Variants in MYO15A observed in about 807,000 individuals in gnomAD.
MYO15A encodes myosin XVA.
In MYO15A, 308 loss-of-function variants were observed where a neutral mutation model predicts 394.6. That is an observed-to-expected ratio of 0.78 (90% CI 0.71 to 0.86). The LOEUF is 0.86. Among genes scored for constraint, MYO15A ranks in the 40% least tolerant of loss-of-function variants. The pLI is 0.00. For missense variants in MYO15A, 4,606 were observed against 4,799.1 expected (o/e 0.96, Z 1.19); for synonymous variants, 1,957 against 2,003.8 (o/e 0.98, Z 0.62).
At chr17:18,109,735 A>G (rs903998816) in intron 1 of MYO15A, 3 of 152,068 alleles carry the variant, frequency 2.0e-5, no homozygotes, top group African/African-American at 4.8e-5. Context: ...AGTTGCATTC[A>G]TCTCCCAGCT....
intron 7 of MYO15A, 152 bp downstream of exon 7, chr17:18,127,317 C>A: frequency 1.1e-6 from 1 of 900,572 alleles, no homozygotes; most frequent in Non-Finnish European, 1.7e-6. Context: ...GCTTTTTCTG[C>A]CACCCTTCCC....
chr17:18,173,762 C>T lies in MYO15A; in HGVS notation c.10351-19C>T. On this transcript the variant is annotated intron_variant, in intron 64 of 65. Coordinates refer to ENST00000647165, the MANE Select transcript of MYO15A (RefSeq NM_016239.4). ...TCCTCGCCCACAGGCCTGTCCGGCC[C>T]CTCTCCTCCTACTCCCAGGAATTGA... The T allele has an allele frequency of 1.9e-6, 3 of 1,613,768 alleles. No homozygotes were observed. The highest frequency in any genetic ancestry group is 2.5e-6 in the Non-Finnish European group (3 of 1,180,028).
At chr17:18,149,706 TG>T in intron 35 of MYO15A, 126 bp downstream of exon 35, 1 of 960,978 alleles carries the variant, frequency 1.0e-6, no homozygotes, top group Non-Finnish European at 1.6e-6. Context: ...GTGTCCCATC[TG>T]GATGTCTGCT....
rs1411368525 is a variant in MYO15A, at chr17:18,119,883, C to T, written c.1083C>T (p.His361=). ...APYPPYDLPY[H]TPYDVPYFDP... ...ACCCACCCTATGACCTCCCATACCACACTCCCTACGATGTACCCTACTTTG... is the reference window on the plus strand; with the variant it reads ...ACCCACCCTATGACCTCCCATACCATACTCCCTACGATGTACCCTACTTTG... The change falls in exon 2 of 66, where the codon CAC becomes CAT. Residue 361 remains histidine, a synonymous_variant. Transcript: ENST00000647165. 6.2e-7 allele frequency: 1 copy of T among 1,613,264 alleles called. No homozygotes were observed. Among genetic ancestry groups the T allele is most frequent in the Admixed American group, 1.7e-5 (1 of 60,030 alleles).
intron 15 of MYO15A, 98 bp downstream of exon 15, chr17:18,136,784 CAGCAGG>C: frequency 6.8e-7 from 1 of 1,477,356 alleles, no homozygotes; most frequent in Non-Finnish European, 9.1e-7. Flanking sequence ...TCTGTGCCTG[CAGCAGG>C]TGCCATCCTC....
rs146123867 is a variant in MYO15A at position 18,148,335 on chromosome 17, C to A, written c.6691+125C>A. 7.5e-6 allele frequency: 11 copies of A among 1,476,052 alleles called. No homozygotes were observed. Among genetic ancestry groups the A allele is most frequent in the Non-Finnish European group, 1.0e-5 (11 of 1,085,096 alleles). The allele number at this position is 1,476,052 out of a possible 1,614,324, so 91.4% of individuals were successfully genotyped here. ...AGGGGCCTTCTCAGATGTGGCTCTGCGTGAAAGTCTGTGTGTGGGGGTGGG... is the reference window on the plus strand; with the variant it reads ...AGGGGCCTTCTCAGATGTGGCTCTGAGTGAAAGTCTGTGTGTGGGGGTGGG... On this transcript the variant is annotated intron_variant, in intron 31 of 65. Coordinates refer to ENST00000647165, the MANE Select transcript of MYO15A (RefSeq NM_016239.4). The surrounding 1 kb of genome is among the most constrained non-coding windows in gnomAD (Gnocchi z 4.8).
In MYO15A at chr17:18,161,342, C is replaced by T; in HGVS notation, c.9412C>T (p.Leu3138=). ...GGACAGCTGCCAGCGAGGCTGGAGG[C>T]TGCTGTATATCGTGACCGCCTACCA... The part of the protein sequence containing the change: ...KQDSCQRGWR[L]LYIVTAYHSC... Residue 3138 remains leucine (L), a synonymous_variant, in exon 57 of 66, where the codon CTG becomes TTG. Coordinates refer to ENST00000647165, the MANE Select transcript of MYO15A (RefSeq NM_016239.4). 6.2e-7 allele frequency: 1 copy of T among 1,614,084 alleles called. No individual in the cohort carries two copies. The highest frequency in any genetic ancestry group is 8.5e-7 in the Non-Finnish European group (1 of 1,180,022).
chr17:18,134,646 G>A (rs1033791716), intron 12 of MYO15A, among the ~76,000 whole-genome samples: 2 of 152,156 alleles, frequency 1.3e-5, no homozygotes, highest in Non-Finnish European at 2.9e-5. Context: ...ATTTTGGGAG[G>A]CCAAGGCAGG....
chr17:18,159,122 C>T (rs2046735557), intron 53 of MYO15A, 125 bp downstream of exon 53: 1 of 1,383,458 alleles, frequency 7.2e-7, no homozygotes, highest in Non-Finnish European at 1.0e-6. Flanking sequence ...CCCTGATTCC[C>T]TCCCAAGGAC....
chr17:18,119,287 T>C lies in MYO15A; in HGVS notation c.487T>C (p.Ser163Pro). 1.2e-6 allele frequency: 2 copies of C among 1,611,790 alleles called. No individual in the cohort carries two copies. The highest frequency in any genetic ancestry group is 2.2e-5 in the South Asian group (2 of 91,074). Residue 163 changes from serine to proline, a missense_variant, in exon 2 of 66, where the codon TCG (serine) becomes CCG (proline). Around this residue, in one of 2 missense-constraint regions of MYO15A, gnomAD observed 1,830 missense variants for 1,689.7 expected, o/e 1.08. Coordinates refer to ENST00000647165, the MANE Select transcript of MYO15A (RefSeq NM_016239.4). ...QATVDAWLQR[S>P]SSRMGSRKLP... ...CACAGTGGACGCCTGGCTGCAGCGC[T>C]CGAGCTCCCGCATGGGCTCCCGCAA... is the stretch of plus-strand genomic sequence containing the variant.
In MYO15A at chr17:18,150,611, G is replaced by A. The variant is rs2046562188; in HGVS notation, c.7327+68G>A. ...GAGCCACTTGCTGGTGTGCTAGAAT[G>A]GAGGCAGCCACAGCATGATGGGGGC... On this transcript the variant is annotated intron_variant, in intron 36 of 65. Transcript: ENST00000647165. The surrounding 1 kb of genome is among the most constrained non-coding windows in gnomAD (Gnocchi z 4.4). 1 of 1,609,928 alleles carries A rather than the reference G, an allele frequency of 6.2e-7. No homozygotes were observed. Among genetic ancestry groups the A allele is most frequent in the Non-Finnish European group, 8.5e-7 (1 of 1,177,290 alleles).
chr17:18,149,017 G>A, intron 33 of MYO15A, 65 bp downstream of exon 33: 3 of 1,536,950 alleles, frequency 2.0e-6, no homozygotes, highest in South Asian at 1.2e-5. Flanking sequence ...GCCACTCCCA[G>A]GCAGAAGGCC....
Position 18,159,357 on chromosome 17 carries a change from T to C in MYO15A, c.9229+10T>C, listed in dbSNP as rs763400927. On this transcript the variant is annotated intron_variant, in intron 54 of 65. Coordinates refer to ENST00000647165, the MANE Select transcript of MYO15A (RefSeq NM_016239.4). ...ACCGACATGTTCCTAGGTGTGGGAG[T>C]GGGACTGCAGCCAGGGCTCTGGGCT... 1 of 1,613,528 alleles carries C rather than the reference T, an allele frequency of 6.2e-7. No homozygotes were observed. Among genetic ancestry groups the C allele is most frequent in the South Asian group, 1.1e-5 (1 of 91,042 alleles).
At chr17:18,175,681 C>T (rs994334062) in intron 65 of MYO15A, among the ~76,000 whole-genome samples, 10 of 152,132 alleles carry the variant, frequency 6.6e-5, no homozygotes, top group African/African-American at 2.4e-4. Context: ...ACCATGTCTA[C>T]CATCACAGCA....
Position 18,151,536 on chromosome 17 carries a change from T to G in MYO15A, c.7787+9T>G. 1.2e-6 allele frequency: 2 copies of G among 1,613,758 alleles called. No homozygotes were observed. The highest frequency in any genetic ancestry group is 1.7e-6 in the Non-Finnish European group (2 of 1,179,906). On this transcript the variant is annotated intron_variant, in intron 40 of 65. Transcript: ENST00000647165. The stretch of plus-strand genomic sequence containing the variant: ...CGGCCTGAGGCCCTCAGGTCAGCAC[T>G]GCCCCTGCCCCCAGCCCGCCAGCCC...
In MYO15A at chr17:18,148,533, G is replaced by C; in HGVS notation, c.6729G>C (p.Thr2243=). The C allele has an allele frequency of 1.3e-6, 2 of 1,552,768 alleles. No homozygotes were observed. Among genetic ancestry groups the C allele is most frequent in the Non-Finnish European group, 1.7e-6 (2 of 1,147,536 alleles). Residue 2243 remains threonine, a synonymous_variant, in exon 32 of 66, where the codon ACG becomes ACC. Coordinates refer to ENST00000647165, the MANE Select transcript of MYO15A (RefSeq NM_016239.4). This position sits in a 1 kb window ranked among gnomAD's most constrained non-coding sequence, Gnocchi z 4.8. Reference sequence around the variant, plus strand: ...CCTGCCCGGTGCACTCCTGGAGTACGGGGGAAGAGGTGGCTGGAGACATTC... The same window carrying C: ...CCTGCCCGGTGCACTCCTGGAGTACCGGGGAAGAGGTGGCTGGAGACATTC... ...QFSCPVHSWS[T]GEEVAGDILR...
Position 18,121,437 on chromosome 17 carries a change from C to G in MYO15A, c.2637C>G (p.Pro879=), listed in dbSNP as rs896608276. ...CGTGGCGGCGCCTCAGCGAGCCACC[C>G]ACTCGGGCTGTGAAGCCGCAAGTGC... ...PHTWRRLSEP[P]TRAVKPQVRL... is the part of the protein sequence containing the mutation. Residue 879 remains proline, a synonymous_variant, in exon 2 of 66, where the codon CCC becomes CCG. Transcript: ENST00000647165. The surrounding 1 kb of genome is among the most constrained non-coding windows in gnomAD (Gnocchi z 5.3). The G allele has an allele frequency of 1.3e-6, 2 of 1,546,864 alleles. No homozygotes were observed. The highest frequency in any genetic ancestry group is 4.9e-5 in the East Asian group (2 of 40,924).
At chr17:18,166,553 G>T in intron 61 of MYO15A, 32 bp downstream of exon 61, 1 of 1,607,928 alleles carries the variant, frequency 6.2e-7, no homozygotes, top group South Asian at 1.1e-5. Context: ...TGGACTCTGG[G>T]ACCTTCTAGG....
chr17:18,121,156 C>T lies in MYO15A; in HGVS notation c.2356C>T (p.Leu786Phe), dbSNP rs2045918972. The change falls in exon 2 of 66, where the codon CTC becomes TTC. Residue 786 changes from leucine to phenylalanine, a missense_variant. Leu to Phe is a conservative substitution (Grantham distance 22). This residue lies in a region of MYO15A where 1,830 missense variants were observed against 1,689.7 expected (regional missense o/e 1.08). Transcript: ENST00000647165. This position sits in a 1 kb window ranked among gnomAD's most constrained non-coding sequence, Gnocchi z 5.3. Reference protein sequence around the residue: ...PQPSLRSSPGLGYCSPLAPPS... With the variant: ...PQPSLRSSPGFGYCSPLAPPS... The stretch of plus-strand genomic sequence containing the variant: ...GCCCTCGCTGAGGAGCTCGCCGGGC[C>T]TCGGCTACTGCTCACCCTTGGCGCC... 1.3e-6 allele frequency: 2 copies of T among 1,514,282 alleles called. No individual in the cohort carries two copies. Among genetic ancestry groups the T allele is most frequent in the Non-Finnish European group, 1.8e-6 (2 of 1,137,978 alleles). The allele number at this position is 1,514,282 out of a possible 1,614,324, so 93.8% of individuals were successfully genotyped here.
Sources: gnomAD v4.1 joint callset for allele counts (sites outside exome capture counted in the v4.1 genomes callset) on GRCh38, gnomAD v4.1.1 for gene constraint, gnomAD v4.1.1 regional missense constraint, Gnocchi (gnomAD v3.1) non-coding constraint, MANE v1.5 for transcripts, NCBI Gene and HGNC (gene_info 2026-07-23, HGNC 2026-07-21) for gene names.